ADAM19: variants seen among roughly 807,000 people sequenced by gnomAD.
ADAM19 encodes the protein ADAM metallopeptidase domain 19, also known as disintegrin and metalloproteinase domain-containing protein 19.
Under a neutral mutation model 114.7 loss-of-function variants are expected in ADAM19, and 65 were observed. That is an observed-to-expected ratio of 0.57 (90% CI 0.46 to 0.70). The LOEUF (loss-of-function observed/expected upper bound fraction) is 0.70. ADAM19 is among the 30% of genes least tolerant of loss of function. ADAM19 has a pLI of 0.00. For missense variants in ADAM19, 1,063 were observed against 1,204.7 expected (o/e 0.88, Z 1.74); for synonymous variants, 466 against 460.5 (o/e 1.01, Z -0.15).
At chr5:157,570,469 G>A in intron 2 of ADAM19, 1 of 159,308 alleles carries the variant, frequency 6.3e-6, no homozygotes, top group Non-Finnish European at 1.4e-5. Context: ...CCAGTACTAG[G>A]TCTCTACGCT....
chr5:157,486,000 G>A (rs1754919134), intron 21 of ADAM19, among the ~76,000 whole-genome samples: 1 of 152,218 alleles, frequency 6.6e-6, no homozygotes, highest in Non-Finnish European at 1.5e-5. Context: ...GAGTGCAGGT[G>A]CATAAGCCGG....
At chr5:157,513,770 T>C (rs1393363728) in intron 7 of ADAM19, among the ~76,000 whole-genome samples, 1 of 152,230 alleles carries the variant, frequency 6.6e-6, no homozygotes, top group Non-Finnish European at 1.5e-5. Context: ...TGCCTTCCTC[T>C]AACCCTTGAA....
chr5:157,497,974 G>A (rs1029498003), intron 13 of ADAM19, among the ~76,000 whole-genome samples: 7 of 152,360 alleles, frequency 4.6e-5, no homozygotes, highest in Admixed American at 3.9e-4. Context: ...AAATTCTTGT[G>A]TGGAGTGAAG....
Position 157,497,108 on chromosome 5 carries a change from G to T in ADAM19, c.1399-19C>A, listed in dbSNP as rs1231734437. The T allele has an allele frequency of 6.0e-6, 9 of 1,489,766 alleles. No individual in the cohort carries two copies. The highest frequency in any genetic ancestry group is 8.0e-6 in the Non-Finnish European group (9 of 1,126,272). The allele number at this position is 1,489,766 out of a possible 1,614,324, so 92.3% of individuals were successfully genotyped here. A position where few individuals can be genotyped will look rare whatever the true frequency, so the allele number is the denominator to read the frequency against. ...CCAACAGCTGAGCCAAGGAATGAGA[G>T]GAAAACACAGTCAATCTCCTCCCCA... On this transcript the variant is annotated intron_variant, in intron 13 of 22. Transcript: ENST00000257527.
intron 4 of ADAM19, among the ~76,000 whole-genome samples, chr5:157,531,870 G>T (rs374541059): frequency 6.6e-6 from 1 of 152,170 alleles, no homozygotes; most frequent in Non-Finnish European, 1.5e-5. Flanking sequence ...GAAGCCACCA[G>T]AAGCTAGAAG....
At chr5:157,570,850 A>G in intron 2 of ADAM19, 45 bp downstream of exon 2, 1 of 1,547,332 alleles carries the variant, frequency 6.5e-7, no homozygotes, top group Non-Finnish European at 8.9e-7. Flanking sequence ...CCCAAACCTC[A>G]GTTGTCAACT....
chr5:157,511,230 A>G (rs1388722523), intron 8 of ADAM19, among the ~76,000 whole-genome samples: 1 of 152,238 alleles, frequency 6.6e-6, no homozygotes, highest in Non-Finnish European at 1.5e-5. Context: ...CATAATGAGC[A>G]GGAGATACCA....
At chr5:157,519,427 GCACCCAGC>G (rs1756205748) in intron 6 of ADAM19, among the ~76,000 whole-genome samples, 1 of 152,128 alleles carries the variant, frequency 6.6e-6, no homozygotes, top group African/African-American at 2.4e-5. Context: ...GGGACTACAG[GCACCCAGC>G]CATCATGCCC....
At chr5:157,542,992 C>T (rs572480283) in intron 3 of ADAM19, among the ~76,000 whole-genome samples, 2 of 152,238 alleles carry the variant, frequency 1.3e-5, no homozygotes, top group Non-Finnish European at 2.9e-5. Context: ...TAATAAGATA[C>T]AACAGAAATG....
At chr5:157,550,259 A>AG (rs202193872) in intron 3 of ADAM19, among the ~76,000 whole-genome samples, 18 of 178 alleles carry the variant, frequency 0.1, no homozygotes, top group Non-Finnish European at 0.05. Flanking sequence ...GGCTTATCCC[A>AG]GGCTCTCTCC....
At chr5:157,532,110 G>T (rs1443911634) in intron 4 of ADAM19, among the ~76,000 whole-genome samples, 2 of 152,154 alleles carry the variant, frequency 1.3e-5, no homozygotes, top group Admixed American at 6.5e-5. Flanking sequence ...TACTTGATTT[G>T]GTACCTGTGC....
chr5:157,518,030 G>A (rs79550469), intron 7 of ADAM19, among the ~76,000 whole-genome samples: 12,586 of 152,062 alleles, frequency 0.083, 619 homozygotes, highest in South Asian at 0.17. Flanking sequence ...CACATTTTGG[G>A]GACCATGGCT....
chr5:157,491,521 T>C, intron 18 of ADAM19, 94 bp downstream of exon 18: 1 of 865,138 alleles, frequency 1.2e-6, no homozygotes, highest in Non-Finnish European at 1.7e-6. Context: ...ACAATGAAGC[T>C]GATTCAATGT....
chr5:157,530,465 G>A (rs940307149), intron 5 of ADAM19, among the ~76,000 whole-genome samples: 5 of 152,064 alleles, frequency 3.3e-5, no homozygotes, highest in African/African-American at 4.8e-5. Flanking sequence ...GTGCCTCCCC[G>A]TGCCGCCCCC....
rs764120819 is a variant in ADAM19, at chr5:157,537,925, T to C, written c.318A>G (p.Thr106=). ...GACCTGAACTCACCTCCAATTTCCGTGTGGTGGTTTGAGGGTTACCACTTG... is the reference window on the plus strand; with the variant it reads ...GACCTGAACTCACCTCCAATTTCCGCGTGGTGGTTTGAGGGTTACCACTTG... The part of the protein sequence containing the change: ...YTSSGNPQTT[T]RKLEDHCFYH... Residue 106 remains threonine (T), a synonymous_variant, in exon 4 of 23, where the codon ACA becomes ACG. Coordinates refer to ENST00000257527, the MANE Select transcript of ADAM19 (RefSeq NM_033274.5). 1.9e-6 allele frequency: 3 copies of C among 1,614,046 alleles called. No homozygotes were observed. Among genetic ancestry groups the C allele is most frequent in the Admixed American group, 1.7e-5 (1 of 60,026 alleles).
At chr5:157,500,095 C>A (rs1328086306) in intron 12 of ADAM19, among the ~76,000 whole-genome samples, 3 of 152,092 alleles carry the variant, frequency 2.0e-5, no homozygotes, top group African/African-American at 4.8e-5. Flanking sequence ...CTTTTGACCT[C>A]AAAAATCATG....
chr5:157,547,440 T>C (rs1757079142), intron 3 of ADAM19, among the ~76,000 whole-genome samples: 1 of 152,206 alleles, frequency 6.6e-6, no homozygotes, highest in African/African-American at 2.4e-5. Context: ...TTAATGCTGT[T>C]ATAAAAGGGC....
In ADAM19 at chr5:157,479,793, G is replaced by T; in HGVS notation, c.*1156C>A. ...CAGAAATGGGTCTGTTCTCTGCTCA[G>T]AGGGCAACGGTCCAGCCCGAAGTCA... On this transcript the variant is annotated 3_prime_UTR_variant, in exon 23 of 23. Coordinates refer to ENST00000257527, the MANE Select transcript of ADAM19 (RefSeq NM_033274.5). 1 of 985,636 alleles carries T rather than the reference G, an allele frequency of 1.0e-6. No individual in the cohort carries two copies. 61.1% of individuals were successfully genotyped at this position (985,636 alleles called of 1,614,324 possible). A position where few individuals can be genotyped will look rare whatever the true frequency, so the allele number is the denominator to read the frequency against.
chr5:157,533,639 G>C (rs932329669), intron 4 of ADAM19, among the ~76,000 whole-genome samples: 1 of 152,152 alleles, frequency 6.6e-6, no homozygotes, highest in Non-Finnish European at 1.5e-5. Flanking sequence ...GTTCAGAAAC[G>C]TGTATCAGCT....
Sources: allele counts gnomAD v4.1 joint callset (sites outside exome capture counted in the v4.1 genomes callset), GRCh38; gene constraint gnomAD v4.1.1; transcripts MANE v1.5; gene names NCBI Gene and HGNC (gene_info 2026-07-23, HGNC 2026-07-21).